The following EPHA3 variants were observed in gnomAD, a reference collection of about 807,000 sequenced individuals.
EPHA3 encodes EPH receptor A3, also known as ephrin type-A receptor 3.
Under a neutral mutation model 107.1 loss-of-function variants are expected in EPHA3, and 42 were observed. That is an observed-to-expected ratio of 0.39 (90% CI 0.31 to 0.51). The LOEUF is 0.51. EPHA3 is among the 20% of genes least tolerant of loss of function. The pLI is 0.78. For synonymous variants in EPHA3, 461 were observed against 424.8 expected (o/e 1.09, Z -1.05); for missense variants, 1,183 against 1,211.2 (o/e 0.98, Z 0.35).
At chr3:89,174,478 C>A (rs1322779486) in intron 2 of EPHA3, among the ~76,000 whole-genome samples, 1 of 151,916 alleles carries the variant, frequency 6.6e-6, no homozygotes, top group South Asian at 2.1e-4. Context: ...TTTTTTAATC[C>A]ATTTCTAAGC....
chr3:89,334,202 T>C (rs1707348927), intron 3 of EPHA3, among the ~76,000 whole-genome samples: 1 of 152,202 alleles, frequency 6.6e-6, no homozygotes, highest in East Asian at 1.9e-4. Flanking sequence ...AGTCAATGTA[T>C]ATCATTCAGT....
chr3:89,320,603 T>TA (rs902016722), intron 3 of EPHA3, among the ~76,000 whole-genome samples: 3 of 151,786 alleles, frequency 2.0e-5, no homozygotes, highest in Non-Finnish European at 4.4e-5. Context: ...ATGGACTTTT[T>TA]TTTTAAGCCA....
intron 2 of EPHA3, among the ~76,000 whole-genome samples, chr3:89,171,780 G>T (rs1400496533): frequency 1.3e-5 from 2 of 152,120 alleles, no homozygotes; most frequent in African/African-American, 2.4e-5. Context: ...AAAAGCAAAG[G>T]TTCATGGCCT....
intron 13 of EPHA3, among the ~76,000 whole-genome samples, chr3:89,446,469 A>C (rs1197059216): frequency 6.6e-6 from 1 of 152,146 alleles, no homozygotes; most frequent in Non-Finnish European, 1.5e-5. Flanking sequence ...TCTCTGGAAA[A>C]TGGTGAAGAA....
At chr3:89,294,909 T>G (rs1219614664) in intron 3 of EPHA3, among the ~76,000 whole-genome samples, 3 of 152,196 alleles carry the variant, frequency 2.0e-5, no homozygotes, top group Non-Finnish European at 4.4e-5. Flanking sequence ...TTCATATTTT[T>G]GTATTCTTAT....
At chr3:89,159,640 T>G (rs1162068100) in intron 2 of EPHA3, among the ~76,000 whole-genome samples, 1 of 152,162 alleles carries the variant, frequency 6.6e-6, no homozygotes, top group Non-Finnish European at 1.5e-5. Flanking sequence ...TGAGGTGTAT[T>G]TGATGATTGT....
Position 89,480,640 on chromosome 3 carries a change from G to T in EPHA3, c.*1138G>T, listed in dbSNP as rs1710605035. ...TGAGTAAAAAAAAAAACAATTACTG[G>T]CTCACTGGCTTTGAAAAGTCACTTA... is the stretch of plus-strand genomic sequence containing the variant. On this transcript the variant is annotated 3_prime_UTR_variant, in exon 17 of 17. Coordinates refer to ENST00000336596, the MANE Select transcript of EPHA3 (RefSeq NM_005233.6). 8.6e-6 allele frequency: 2 copies of T among 232,360 alleles called. No homozygotes were observed. Among genetic ancestry groups the T allele is most frequent in the Admixed American group, 1.1e-4 (2 of 17,752 alleles). 14.4% of individuals were successfully genotyped at this position (232,360 alleles called of 1,614,324 possible). A position where few individuals can be genotyped will look rare whatever the true frequency, so the allele number is the denominator to read the frequency against.
chr3:89,438,982 A>G (rs533032459), intron 13 of EPHA3, among the ~76,000 whole-genome samples: 40 of 152,226 alleles, frequency 2.6e-4, no homozygotes, highest in Non-Finnish European at 5.0e-4. Context: ...AAAAATTACA[A>G]CTATAATTGT....
At position 89,420,652 on chromosome 3, in the gene EPHA3, T is replaced by A. The variant is rs115826916; in HGVS notation, c.2074+1262T>A. Among the ~76,000 whole-genome samples, 1,470 of 151,596 alleles carry A rather than the reference T, an allele frequency of 9.7e-3. 27 individuals are homozygous for A. Among genetic ancestry groups the A allele is most frequent in the African/African-American group, 0.034 (1,406 of 41,474 alleles). The stretch of plus-strand genomic sequence containing the variant: ...GGATTGGGAAAGTGTATGAATCCTT[T>A]GTTCTTTCTGAGCAAGGCTATACTG... On this transcript the variant is annotated intron_variant, in intron 11 of 16. Coordinates refer to ENST00000336596, the MANE Select transcript of EPHA3 (RefSeq NM_005233.6).
In EPHA3 at chr3:89,479,157, C is replaced by T. The variant is rs1219930404; in HGVS notation, c.2847-240C>T. Among the ~76,000 whole-genome samples the T allele has an allele frequency of 2.0e-5, 3 of 152,088 alleles. No homozygotes were observed. In the South Asian group the frequency reaches 6.2e-4, roughly 32 times the overall value. ...CAGTGACCCTCTATCCAAATAAAAT[C>T]GCATTTTGAGGTTTGGGATTGACAG... On this transcript the variant is annotated intron_variant, in intron 16 of 16. Transcript: ENST00000336596.
chr3:89,340,760 C>T (rs1415772472), intron 3 of EPHA3, among the ~76,000 whole-genome samples, 156 bp from the exon 4 acceptor site: 6 of 152,156 alleles, frequency 3.9e-5, no homozygotes, highest in Non-Finnish European at 8.8e-5. Flanking sequence ...TGTAGAAAAA[C>T]TACAGTAGGC....
At chr3:89,276,923 C>G (rs764438298) in intron 3 of EPHA3, among the ~76,000 whole-genome samples, 1 of 152,060 alleles carries the variant, frequency 6.6e-6, no homozygotes, top group Non-Finnish European at 1.5e-5. Context: ...TGTTATGGAT[C>G]AATTTAACAG....
At chr3:89,366,690 C>G (rs1161547644) in intron 5 of EPHA3, among the ~76,000 whole-genome samples, 1 of 150,456 alleles carries the variant, frequency 6.6e-6, no homozygotes. Context: ...GGAATCAAAG[C>G]CCAGACTTTA....
chr3:89,253,398 G>A (rs910685650), intron 3 of EPHA3, among the ~76,000 whole-genome samples: 1 of 151,962 alleles, frequency 6.6e-6, no homozygotes, highest in African/African-American at 2.4e-5. Context: ...CCACCTCAAA[G>A]TTACATGTTC....
chr3:89,180,339 T>G (rs185231092), intron 2 of EPHA3, among the ~76,000 whole-genome samples: 1 of 151,928 alleles, frequency 6.6e-6, no homozygotes, highest in Admixed American at 6.6e-5. Flanking sequence ...CACTATACCA[T>G]AAACAGAGTC....
chr3:89,143,320 C>T (rs1402750686), intron 2 of EPHA3, among the ~76,000 whole-genome samples: 1 of 151,392 alleles, frequency 6.6e-6, no homozygotes, highest in Admixed American at 6.6e-5. Context: ...ATCTGTACTA[C>T]TAAGTGGCGT....
rs150644822 is a variant in EPHA3 at position 89,363,742 on chromosome 3, T to C, written c.1306+21652T>C. On this transcript the variant is annotated intron_variant, in intron 5 of 16. Coordinates refer to ENST00000336596, the MANE Select transcript of EPHA3 (RefSeq NM_005233.6). ...TTCTCTTTTGAGTTAATTTCTAGAC[T>C]ATATTTTTAAAAGAAATGTCAAGAT... Among the ~76,000 whole-genome samples the C allele has an allele frequency of 5.8e-4, 87 of 150,816 alleles. 3 individuals carry two copies. The East Asian group carries it at 0.014, about 24-fold the overall frequency.
intron 3 of EPHA3, among the ~76,000 whole-genome samples, chr3:89,321,578 A>C (rs1707044535): frequency 6.6e-6 from 1 of 152,098 alleles, no homozygotes; most frequent in African/African-American, 2.4e-5. Flanking sequence ...GAGTCTAAGA[A>C]ATGTTTAACT....
At chr3:89,393,917 G>A (rs1708795670) in intron 5 of EPHA3, among the ~76,000 whole-genome samples, 1 of 152,042 alleles carries the variant, frequency 6.6e-6, no homozygotes, top group Non-Finnish European at 1.5e-5. Flanking sequence ...ATTTTAGAGA[G>A]CAAATTGCAG....
Sources: gnomAD v4.1 joint callset for allele counts (sites outside exome capture counted in the v4.1 genomes callset) on GRCh38, gnomAD v4.1.1 for gene constraint, MANE v1.5 for transcripts, NCBI Gene and HGNC (gene_info 2026-07-23, HGNC 2026-07-21) for gene names.